LRMDA: variants seen among roughly 807,000 people sequenced by gnomAD.
LRMDA encodes the protein leucine rich melanocyte differentiation associated, also known as leucine-rich melanocyte differentiation-associated protein.
A neutral mutation model predicts 29.8 loss-of-function variants in LRMDA; 18 were observed. The ratio of observed to expected loss-of-function variants is 0.60; its 90% confidence interval spans 0.42 to 0.90. LRMDA has a LOEUF of 0.90. Ranked by LOEUF, LRMDA falls within the 40% of genes least tolerant of loss-of-function variation. The pLI, the probability that LRMDA is intolerant of heterozygous loss-of-function variation, is 0.00. For synonymous variants in LRMDA, 125 were observed against 109.4 expected (o/e 1.14, Z -0.89); for missense variants, 273 against 273.9 (o/e 1.00, Z 0.02).
At chr10:75,596,202 C>T (rs145214188) in intron 2 of LRMDA, among the ~76,000 whole-genome samples, 5 of 152,318 alleles carry the variant, frequency 3.3e-5, no homozygotes, top group African/African-American at 1.2e-4. Flanking sequence ...GGTGGTGAAA[C>T]TGAAGCAGAG....
At chr10:76,330,502 G>A (rs536573102) in intron 6 of LRMDA, among the ~76,000 whole-genome samples, 3 of 152,160 alleles carry the variant, frequency 2.0e-5, no homozygotes, top group African/African-American at 4.8e-5. Flanking sequence ...AGAAGAGAGA[G>A]TGTGAATTTT....
intron 5 of LRMDA, among the ~76,000 whole-genome samples, chr10:76,275,482 A>G (rs1840119876): frequency 6.6e-6 from 1 of 151,722 alleles, no homozygotes; most frequent in Non-Finnish European, 1.5e-5. Flanking sequence ...TACTGTCTTT[A>G]TTTCCTATGA....
At chr10:75,925,916 A>G (rs893956690) in intron 2 of LRMDA, among the ~76,000 whole-genome samples, 1 of 152,036 alleles carries the variant, frequency 6.6e-6, no homozygotes, top group Non-Finnish European at 1.5e-5. Flanking sequence ...TGCCTCATTT[A>G]TTACATACCA....
rs145968329 is a variant in LRMDA at position 75,552,060 on chromosome 10, G to A, written c.131+113566G>A. Among the ~76,000 whole-genome samples the A allele has an allele frequency of 1.6e-4, 25 of 151,872 alleles. No individual in the cohort carries two copies. In the East Asian group the frequency reaches 3.1e-3, roughly 19 times the overall value. ...ACTGCCTAGGCAACAGAGTTAGACC[G>A]TGTCTCTAAAAAATAAAAGAAATAA... On this transcript the variant is annotated intron_variant, in intron 2 of 6. Transcript: ENST00000611255.
At chr10:75,910,876 C>T (rs879823912) in intron 2 of LRMDA, among the ~76,000 whole-genome samples, 4 of 152,148 alleles carry the variant, frequency 2.6e-5, no homozygotes, top group African/African-American at 9.7e-5. Context: ...TCCATGGGTT[C>T]TCTGTCTCTT....
At chr10:76,335,473 T>C (rs1840955780) in intron 6 of LRMDA, among the ~76,000 whole-genome samples, 1 of 152,170 alleles carries the variant, frequency 6.6e-6, no homozygotes. Context: ...TGTCTCACAA[T>C]AAATTTAGAA....
intron 2 of LRMDA, among the ~76,000 whole-genome samples, chr10:75,615,493 G>C (rs1216907612): frequency 3.3e-5 from 5 of 152,032 alleles, no homozygotes; most frequent in Non-Finnish European, 7.4e-5. Flanking sequence ...TCAGATTTGG[G>C]TTTTTCAGAT....
chr10:75,932,386 G>A (rs922179393), intron 2 of LRMDA, among the ~76,000 whole-genome samples: 2 of 152,218 alleles, frequency 1.3e-5, no homozygotes, highest in Non-Finnish European at 2.9e-5. Context: ...GCTGAGGCAG[G>A]AGGACAGCCT....
At chr10:75,487,799 G>A (rs565971457) in intron 2 of LRMDA, among the ~76,000 whole-genome samples, 15 of 152,224 alleles carry the variant, frequency 9.9e-5, no homozygotes, top group Non-Finnish European at 2.1e-4. Context: ...CCAAGCTCTT[G>A]GAAGAGCAGG....
intron 5 of LRMDA, among the ~76,000 whole-genome samples, chr10:76,298,295 G>C (rs1384333060): frequency 6.6e-6 from 1 of 152,214 alleles, no homozygotes; most frequent in African/African-American, 2.4e-5. Context: ...GCTGGTACCA[G>C]CTGCATATTG....
chr10:76,406,709 G>A (rs1425153638), intron 6 of LRMDA, among the ~76,000 whole-genome samples: 2 of 152,108 alleles, frequency 1.3e-5, no homozygotes, highest in East Asian at 1.9e-4. Context: ...CATTCATCAT[G>A]ACCCTGAGTA....
intron 2 of LRMDA, among the ~76,000 whole-genome samples, chr10:75,644,410 G>A (rs558671354): frequency 1.3e-5 from 2 of 152,202 alleles, no homozygotes; most frequent in African/African-American, 4.8e-5. Context: ...CGTTCAACCT[G>A]GCAACCCAAC....
chr10:75,715,703 T>G (rs571397406), intron 2 of LRMDA, among the ~76,000 whole-genome samples: 2 of 152,248 alleles, frequency 1.3e-5, no homozygotes, highest in African/African-American at 4.8e-5. Context: ...GTGAGGAACT[T>G]TGATCTAATT....
chr10:76,407,494 T>G (rs770538095), intron 6 of LRMDA, among the ~76,000 whole-genome samples: 34 of 152,196 alleles, frequency 2.2e-4, no homozygotes, highest in Non-Finnish European at 4.3e-4. Context: ...CAAGAATAAC[T>G]TCTAAGTTCT....
chr10:75,929,071 T>G (rs1759026538), intron 2 of LRMDA, among the ~76,000 whole-genome samples: 5 of 152,200 alleles, frequency 3.3e-5, no homozygotes, highest in African/African-American at 1.2e-4. Flanking sequence ...AAGTTTGAAC[T>G]GGCTCTGAAA....
At position 75,588,276 on chromosome 10, in the gene LRMDA, G is replaced by A. The variant is rs561397063; in HGVS notation, c.131+149782G>A. Among the ~76,000 whole-genome samples, 38 of 152,316 alleles carry A rather than the reference G, an allele frequency of 2.5e-4. No individual in the cohort carries two copies. In the East Asian group the frequency reaches 7.3e-3, roughly 29 times the overall value. The stretch of plus-strand genomic sequence containing the variant: ...GAGGTGAGCAAGACACAGCAGGGAG[G>A]ACTGGAGCAAAGGCAGAAAACAAGA... On this transcript the variant is annotated intron_variant, in intron 2 of 6. Transcript: ENST00000611255.
At chr10:75,496,295 T>G (rs1412314477) in intron 2 of LRMDA, among the ~76,000 whole-genome samples, 1 of 152,174 alleles carries the variant, frequency 6.6e-6, no homozygotes, top group Admixed American at 6.5e-5. Context: ...GATAATTTAT[T>G]TGAGGCTCAG....
At chr10:76,364,937 A>G (rs750722649) in intron 6 of LRMDA, among the ~76,000 whole-genome samples, 1 of 151,588 alleles carries the variant, frequency 6.6e-6, no homozygotes, top group Non-Finnish European at 1.5e-5. Flanking sequence ...TATATCAGTG[A>G]GAACATACAA....
intron 6 of LRMDA, among the ~76,000 whole-genome samples, chr10:76,515,134 G>T (rs909690546): frequency 3.3e-5 from 5 of 152,144 alleles, no homozygotes; most frequent in African/African-American, 1.2e-4. Flanking sequence ...AAATACCATG[G>T]TATGCTGTGA....
Sources: gnomAD v4.1 joint callset for allele counts (sites outside exome capture counted in the v4.1 genomes callset) on GRCh38, gnomAD v4.1.1 for gene constraint, MANE v1.5 for transcripts, NCBI Gene and HGNC (gene_info 2026-07-23, HGNC 2026-07-21) for gene names.